KLF12: variants seen among roughly 807,000 people sequenced by gnomAD.
KLF12 encodes KLF transcription factor 12.
Under a neutral mutation model 37.8 loss-of-function variants are expected in KLF12, and 9 were observed. The ratio of observed to expected loss-of-function variants is 0.24; its 90% confidence interval spans 0.14 to 0.42. The LOEUF is 0.42. Among genes scored for constraint, KLF12 ranks in the 10% least tolerant of loss-of-function variants. The pLI is 1.00. For synonymous variants in KLF12, 208 were observed against 202.1 expected (o/e 1.03, Z -0.25); for missense variants, 411 against 516.0 (o/e 0.80, Z 1.97).
chr13:74,279,146 A>G, the KLF12 span, among the ~76,000 whole-genome samples: 1 of 152,168 alleles, frequency 6.6e-6, no homozygotes, highest in Non-Finnish European at 1.5e-5. Flanking sequence ...TCTTGGACAT[A>G]CCTGTGCTTA....
At chr13:74,135,479 G>A (rs1240688924), upstream of KLF12, among the ~76,000 whole-genome samples, 1 of 151,818 alleles carries the variant, frequency 6.6e-6, no homozygotes, top group Non-Finnish European at 1.5e-5. Context: ...TGTGGGGCGG[G>A]AGAGGGAGGA....
At chr13:74,065,530 C>G (rs569909876) in intron 1 of KLF12, among the ~76,000 whole-genome samples, 1 of 152,262 alleles carries the variant, frequency 6.6e-6, no homozygotes, top group East Asian at 1.9e-4. Context: ...AGGCATCCAT[C>G]TACATGAAAA....
chr13:74,251,459 T>A, the KLF12 span, among the ~76,000 whole-genome samples: 1 of 152,162 alleles, frequency 6.6e-6, no homozygotes. Context: ...CTTCTGTGAT[T>A]TTCTAATTTT....
chr13:74,290,727 T>G, the KLF12 span, among the ~76,000 whole-genome samples: 1 of 152,246 alleles, frequency 6.6e-6, no homozygotes, highest in East Asian at 1.9e-4. Flanking sequence ...GCCCAGAATT[T>G]TTTCAGCTTC....
the KLF12 span, among the ~76,000 whole-genome samples, chr13:74,280,561 G>A: frequency 6.6e-6 from 1 of 152,196 alleles, no homozygotes; most frequent in Non-Finnish European, 1.5e-5. Context: ...GCTAATGAAA[G>A]AGACCCAATG....
In KLF12 at chr13:73,688,693, C is replaced by G. The variant is rs1275686950; in HGVS notation, c.*6797G>C. 1 of 152,106 alleles carries G rather than the reference C, an allele frequency of 6.6e-6. No individual in the cohort carries two copies. The highest frequency in any genetic ancestry group is 1.5e-5 in the Non-Finnish European group (1 of 68,030). 9.4% of individuals were successfully genotyped at this position (152,106 alleles called of 1,614,324 possible). The stretch of plus-strand genomic sequence containing the variant: ...TTCATGCATGATTTTCCGGGAAAGG[C>G]CTGATTTCAAATATTCAGTACCATT... On this transcript the variant is annotated 3_prime_UTR_variant, in exon 8 of 8. Coordinates refer to ENST00000377669, the MANE Select transcript of KLF12 (RefSeq NM_007249.5).
chr13:74,046,645 G>T (rs1201211917), intron 1 of KLF12, among the ~76,000 whole-genome samples: 1 of 152,128 alleles, frequency 6.6e-6, no homozygotes, highest in East Asian at 1.9e-4. Context: ...ATTACAATCA[G>T]AAGTGAATCA....
At chr13:74,183,797 C>T in the KLF12 span, among the ~76,000 whole-genome samples, 1 of 152,004 alleles carries the variant, frequency 6.6e-6, no homozygotes, top group Non-Finnish European at 1.5e-5. Context: ...ATTAGCTGGG[C>T]ATGGTGGCAC....
intron 2 of KLF12, among the ~76,000 whole-genome samples, chr13:73,970,224 G>A (rs551338416): frequency 6.6e-6 from 1 of 152,132 alleles, no homozygotes; most frequent in Admixed American, 6.5e-5. Context: ...TCCTCCTTGT[G>A]TGACCAATTT....
intron 1 of KLF12, among the ~76,000 whole-genome samples, chr13:74,127,679 T>C (rs1878017683): frequency 6.6e-6 from 1 of 152,250 alleles, no homozygotes; most frequent in Non-Finnish European, 1.5e-5. Context: ...GAAAATGCAG[T>C]TGCGGAGAAA....
At chr13:73,891,231 A>C (rs1237855750) in intron 3 of KLF12, among the ~76,000 whole-genome samples, 1 of 152,150 alleles carries the variant, frequency 6.6e-6, no homozygotes, top group Non-Finnish European at 1.5e-5. Context: ...GATTTTAAAA[A>C]TAAACTTCAG....
At chr13:74,159,233 ACACCCTTCAGAAAAGGGTG>A in the KLF12 span, among the ~76,000 whole-genome samples, 3 of 152,278 alleles carry the variant, frequency 2.0e-5, no homozygotes, top group South Asian at 6.2e-4. Flanking sequence ...CACACAGGGG[ACACCCTTCAGAAAAGGGTG>A]CACCCTTCAG....
chr13:73,864,413 G>A (rs150414905), intron 3 of KLF12, among the ~76,000 whole-genome samples: 1 of 152,084 alleles, frequency 6.6e-6, no homozygotes, highest in African/African-American at 2.4e-5. Flanking sequence ...TAAGCAATAT[G>A]ATTGGAAATG....
At chr13:73,803,075 G>A (rs1399247167) in intron 5 of KLF12, among the ~76,000 whole-genome samples, 1 of 152,066 alleles carries the variant, frequency 6.6e-6, no homozygotes, top group Admixed American at 6.5e-5. Flanking sequence ...ATGGTTTTTT[G>A]TTTGTTTGTT....
chr13:73,894,021 G>T (rs1412558615), intron 3 of KLF12, among the ~76,000 whole-genome samples: 1 of 152,176 alleles, frequency 6.6e-6, no homozygotes, highest in African/African-American at 2.4e-5. Context: ...TAACGAGCAA[G>T]TAACTACTGC....
At chr13:74,299,623 TCCTAGCG>T in the KLF12 span, among the ~76,000 whole-genome samples, 2 of 152,144 alleles carry the variant, frequency 1.3e-5, no homozygotes, top group African/African-American at 4.8e-5. Flanking sequence ...TTATAAACTT[TCCTAGCG>T]TTAAGGGCTA....
chr13:74,233,986 T>C, the KLF12 span, among the ~76,000 whole-genome samples: 1 of 152,208 alleles, frequency 6.6e-6, no homozygotes, highest in African/African-American at 2.4e-5. Flanking sequence ...ACAAGTTCTA[T>C]ATGAAGAAAA....
chr13:74,187,062 G>A, the KLF12 span, among the ~76,000 whole-genome samples: 1 of 152,196 alleles, frequency 6.6e-6, no homozygotes, highest in Non-Finnish European at 1.5e-5. Flanking sequence ...GTGTAAAAAT[G>A]CTGATTCATA....
In KLF12 at chr13:74,074,145, CGAGA is replaced by C. The variant is rs150269885; in HGVS notation, c.-32+59590_-32+59593del. Among the ~76,000 whole-genome samples the C allele has an allele frequency of 1.1e-3, 169 of 151,400 alleles. 1 individual carries two copies. The highest frequency in any genetic ancestry group is 3.8e-3 in the African/African-American group (157 of 41,350). ...TCCCTTCTGCTACTGTTTTCTCATT[CGAGA>C]GAGAGAGAGAGTGTGTGTGTGTGTA... On this transcript the variant is annotated intron_variant, in intron 1 of 7. Transcript: ENST00000377669.
Sources: allele counts gnomAD v4.1 joint callset (sites outside exome capture counted in the v4.1 genomes callset), GRCh38; gene constraint gnomAD v4.1.1; transcripts MANE v1.5; gene names NCBI Gene and HGNC (gene_info 2026-07-23, HGNC 2026-07-21).